GREB1L: variants seen among roughly 807,000 people sequenced by gnomAD.
GREB1L encodes the protein GREB1-like protein.
In GREB1L, 17 loss-of-function variants were observed where a neutral mutation model predicts 200.8. That is an observed-to-expected ratio of 0.08 (90% CI 0.06 to 0.13). The LOEUF is 0.13. Among genes scored for constraint, GREB1L ranks in the 10% least tolerant of loss-of-function variants. GREB1L has a pLI of 1.00. For missense variants in GREB1L, 1,657 were observed against 2,367.7 expected (o/e 0.70, Z 6.23); for synonymous variants, 789 against 893.0 (o/e 0.88, Z 2.08).
At chr18:21,518,009 A>C in intron 30 of GREB1L, 25 bp from the exon 31 acceptor site, 1 of 1,535,974 alleles carries the variant, frequency 6.5e-7, no homozygotes, top group Non-Finnish European at 8.8e-7. Context: ...CAAGTTTCCC[A>C]TGATCATCTC....
Position 21,524,684 on chromosome 18 carries a change from T to G in GREB1L, c.*1863T>G, listed in dbSNP as rs1043664722. Reference sequence around the variant, plus strand: ...GTGGATGGCCTCTCAGGGTTTCTTCTGGCTTTATGACTTCATAGTTTAAAG... The same window carrying G: ...GTGGATGGCCTCTCAGGGTTTCTTCGGGCTTTATGACTTCATAGTTTAAAG... On this transcript the variant is annotated 3_prime_UTR_variant, in exon 33 of 33. Coordinates refer to ENST00000424526, the MANE Select transcript of GREB1L (RefSeq NM_001142966.3). The G allele has an allele frequency of 1.3e-5, 2 of 152,328 alleles. No individual in the cohort carries two copies. The highest frequency in any genetic ancestry group is 4.8e-5 in the African/African-American group (2 of 41,586). 9.4% of individuals were successfully genotyped at this position (152,328 alleles called of 1,614,324 possible). A position where few individuals can be genotyped will look rare whatever the true frequency, so the allele number is the denominator to read the frequency against.
At chr18:21,440,953 T>C (rs1377927953) in intron 9 of GREB1L, among the ~76,000 whole-genome samples, 1 of 152,254 alleles carries the variant, frequency 6.6e-6, no homozygotes, top group Non-Finnish European at 1.5e-5. Context: ...AAAGACTACA[T>C]AGACATCTTA....
At chr18:21,430,137 C>T (rs2033021548) in intron 7 of GREB1L, among the ~76,000 whole-genome samples, 1 of 152,146 alleles carries the variant, frequency 6.6e-6, no homozygotes, top group Admixed American at 6.5e-5. Flanking sequence ...ATCATAATTA[C>T]CCCTTTAAAG....
intron 15 of GREB1L, among the ~76,000 whole-genome samples, chr18:21,465,033 TA>T (rs1039349701): frequency 6.6e-6 from 1 of 151,752 alleles, no homozygotes; most frequent in African/African-American, 2.4e-5. Flanking sequence ...ACATGTTAAG[TA>T]AACATTATGG....
At chr18:21,516,157 G>C (rs2146096004) in intron 29 of GREB1L, among the ~76,000 whole-genome samples, 1 of 152,204 alleles carries the variant, frequency 6.6e-6, no homozygotes, top group Non-Finnish European at 1.5e-5. Flanking sequence ...TTATGTCCAG[G>C]TTCCTACAAA....
intron 1 of GREB1L, among the ~76,000 whole-genome samples, chr18:21,302,515 C>G (rs1293051425): frequency 6.6e-6 from 1 of 152,132 alleles, no homozygotes; most frequent in Non-Finnish European, 1.5e-5. Flanking sequence ...TGGTTAATAT[C>G]AGATTATTTC....
At chr18:21,305,373 A>T (rs1257244828) in intron 1 of GREB1L, among the ~76,000 whole-genome samples, 1 of 152,086 alleles carries the variant, frequency 6.6e-6, no homozygotes, top group Non-Finnish European at 1.5e-5. Flanking sequence ...TGATTCCCTT[A>T]CATAACTGTT....
intron 1 of GREB1L, among the ~76,000 whole-genome samples, chr18:21,262,839 A>G (rs773793490): frequency 3.2e-4 from 48 of 152,268 alleles, no homozygotes; most frequent in Middle Eastern, 3.4e-3. Flanking sequence ...AGTAGATGAG[A>G]ACAAGTTAGT....
Position 21,522,850 on chromosome 18 carries a change from G to C in GREB1L, c.*29G>C. 6.6e-7 allele frequency: 1 copy of C among 1,524,530 alleles called. No homozygotes were observed. Among genetic ancestry groups the C allele is most frequent in the African/African-American group, 1.4e-5 (1 of 72,000 alleles). The allele number at this position is 1,524,530 out of a possible 1,614,324, so 94.4% of individuals were successfully genotyped here. On this transcript the variant is annotated 3_prime_UTR_variant, in exon 33 of 33. Coordinates refer to ENST00000424526, the MANE Select transcript of GREB1L (RefSeq NM_001142966.3). ...TTTGAAGAGACCAAAACAGCAAAAA[G>C]ATGCCTAGGTGGGATGGGACAGAAA...
chr18:21,307,985 T>G (rs1311099349), intron 1 of GREB1L, among the ~76,000 whole-genome samples: 1 of 152,262 alleles, frequency 6.6e-6, no homozygotes, highest in African/African-American at 2.4e-5. Flanking sequence ...CGATACCATG[T>G]GCATATCTTT....
At chr18:21,411,697 A>G (rs1435884688) in intron 7 of GREB1L, among the ~76,000 whole-genome samples, 1 of 152,172 alleles carries the variant, frequency 6.6e-6, no homozygotes, top group African/African-American at 2.4e-5. Context: ...AAGATTGTTC[A>G]TGGCAGTGTT....
At chr18:21,416,324 T>C (rs1044646058) in intron 7 of GREB1L, among the ~76,000 whole-genome samples, 2 of 152,080 alleles carry the variant, frequency 1.3e-5, no homozygotes, top group African/African-American at 2.4e-5. Flanking sequence ...ATACTAGTAA[T>C]TGGAGGGCCT....
intron 1 of GREB1L, among the ~76,000 whole-genome samples, chr18:21,263,575 A>C (rs557122288): frequency 6.6e-6 from 1 of 152,296 alleles, no homozygotes; most frequent in African/African-American, 2.4e-5. Flanking sequence ...CAATGACTTA[A>C]GTTTAATGTT....
chr18:21,247,202 C>T (rs1309306109), intron 1 of GREB1L, among the ~76,000 whole-genome samples: 2 of 152,194 alleles, frequency 1.3e-5, no homozygotes, highest in African/African-American at 4.8e-5. Context: ...TTCTCTTCTA[C>T]CCAACTCTGT....
chr18:21,517,580 G>A (rs1395515921), intron 30 of GREB1L, among the ~76,000 whole-genome samples: 3 of 152,140 alleles, frequency 2.0e-5, no homozygotes, highest in Non-Finnish European at 2.9e-5. Flanking sequence ...TTAAAAGATA[G>A]TAATAAAGAT....
intron 1 of GREB1L, among the ~76,000 whole-genome samples, chr18:21,324,193 T>G (rs1405668113): frequency 6.6e-6 from 1 of 152,228 alleles, no homozygotes; most frequent in Non-Finnish European, 1.5e-5. Flanking sequence ...GGTTCTTAAC[T>G]AATAATATTT....
Position 21,515,498 on chromosome 18 carries a change from T to C in GREB1L, c.4983T>C (p.Ile1661=). 1 of 1,551,624 alleles carries C rather than the reference T, an allele frequency of 6.4e-7. No homozygotes were observed. Among genetic ancestry groups the C allele is most frequent in the Non-Finnish European group, 8.7e-7 (1 of 1,146,980 alleles). The change falls in exon 29 of 33, where the codon ATT becomes ATC. Residue 1661 remains isoleucine (I), a synonymous_variant. Transcript: ENST00000424526. The part of the protein sequence containing the change: ...VLQHIEATPK[I]VHYAILGIQK... ...AGCACATTGAAGCCACACCAAAAAT[T>C]GTCCACTATGCAATCTTGGGCATAC...
At chr18:21,358,974 A>G (rs1238593241) in intron 1 of GREB1L, among the ~76,000 whole-genome samples, 3 of 152,248 alleles carry the variant, frequency 2.0e-5, no homozygotes, top group African/African-American at 4.8e-5. Context: ...AAGGTTTTCT[A>G]TGTACAAGAT....
chr18:21,488,268 C>A (rs1370767005), intron 18 of GREB1L, among the ~76,000 whole-genome samples: 5 of 152,148 alleles, frequency 3.3e-5, no homozygotes, highest in Non-Finnish European at 4.4e-5. Context: ...TGCACTCCAG[C>A]CTGGGTGACA....
Sources: gnomAD v4.1 joint callset for allele counts (sites outside exome capture counted in the v4.1 genomes callset) on GRCh38, gnomAD v4.1.1 for gene constraint, MANE v1.5 for transcripts, NCBI Gene and HGNC (gene_info 2026-07-23, HGNC 2026-07-21) for gene names.